The following VAMP7 variants were observed in gnomAD, a reference collection of about 807,000 sequenced individuals.
The protein encoded by VAMP7 is vesicle associated membrane protein 7, also known as vesicle-associated membrane protein 7.
A neutral mutation model predicts 29.6 loss-of-function variants in VAMP7; 14 were observed. The observed-to-expected ratio is 0.47, with a 90% CI of 0.31 to 0.74. The LOEUF (loss-of-function observed/expected upper bound fraction) is 0.74, where lower values mean the gene tolerates loss of function less well. Among genes scored for constraint, VAMP7 ranks in the 30% least tolerant of loss-of-function variants. The pLI, the probability that VAMP7 is intolerant of heterozygous loss-of-function variation, is 0.05. For synonymous variants in VAMP7, 95 were observed against 88.1 expected, an observed-to-expected ratio of 1.08 and a Z score of -0.44; for missense variants, 223 against 262.4, an observed-to-expected ratio of 0.85 and a Z score of 1.04.
At chrX:155,885,909 T>A (rs1389763401) in intron 1 of VAMP7, among the ~76,000 whole-genome samples, 1 of 152,180 alleles carries the variant, frequency 6.6e-6, no homozygotes, top group Non-Finnish European at 1.5e-5. Flanking sequence ...TTCTGTTGTT[T>A]TAAGCAACCA....
chrX:155,942,525 C>T lies in VAMP7; in HGVS notation c.*574C>T, dbSNP rs1436737060. The T allele has an allele frequency of 4.5e-6, 1 of 223,226 alleles. No individual in the cohort carries two copies. Among genetic ancestry groups the T allele is most frequent in the Non-Finnish European group, 8.9e-6 (1 of 112,300 alleles). The allele number at this position is 223,226 out of a possible 1,614,324, so 13.8% of individuals were successfully genotyped here. On this transcript the variant is annotated 3_prime_UTR_variant, in exon 8 of 8. Coordinates refer to ENST00000286448, the MANE Select transcript of VAMP7 (RefSeq NM_005638.6). The stretch of plus-strand genomic sequence containing the variant: ...AGTTAGATGGGGAACATTTTGCTAG[C>T]CCATTAGAAGCACACAGAATTATCC...
chrX:155,883,404 C>G (rs2124208205), intron 1 of VAMP7, among the ~76,000 whole-genome samples: 1 of 152,252 alleles, frequency 6.6e-6, no homozygotes, highest in Non-Finnish European at 1.5e-5. Context: ...TTGTGTACCT[C>G]CCTCCATTAA....
intron 5 of VAMP7, among the ~76,000 whole-genome samples, chrX:155,911,292 C>T (rs2066233859): frequency 6.6e-6 from 1 of 152,098 alleles, no homozygotes; most frequent in African/African-American, 2.4e-5. Flanking sequence ...CTTTTCTATT[C>T]TATTCCATCG....
intron 6 of VAMP7, among the ~76,000 whole-genome samples, chrX:155,930,563 T>C (rs191733820): frequency 3.3e-5 from 5 of 151,580 alleles, no homozygotes; most frequent in African/African-American, 1.2e-4. Context: ...AGATGGAGAA[T>C]TGCTTGAACC....
At chrX:155,896,694 C>A (rs2065992321) in intron 3 of VAMP7, among the ~76,000 whole-genome samples, 1 of 152,036 alleles carries the variant, frequency 6.6e-6, no homozygotes, top group South Asian at 2.1e-4. Context: ...TGCATGCCCT[C>A]CCCTCCCCCT....
At chrX:155,931,468 T>G (rs1294952660) in intron 6 of VAMP7, among the ~76,000 whole-genome samples, 1 of 152,212 alleles carries the variant, frequency 6.6e-6, no homozygotes, top group African/African-American at 2.4e-5. Context: ...CCAGTGATGA[T>G]GAGCATTTTT....
intron 5 of VAMP7, among the ~76,000 whole-genome samples, chrX:155,909,490 A>T (rs1040715345): frequency 6.6e-5 from 10 of 151,924 alleles, no homozygotes; most frequent in African/African-American, 2.2e-4. Context: ...GTTCACCCTA[A>T]TATTTATTTC....
At chrX:155,918,142 G>A (rs949613040) in intron 5 of VAMP7, among the ~76,000 whole-genome samples, 3 of 152,096 alleles carry the variant, frequency 2.0e-5, no homozygotes, top group African/African-American at 7.2e-5. Context: ...CTCAGTAATG[G>A]CAGACGCCCC....
rs757967477 is a variant in VAMP7 at position 155,932,006 on chromosome X, T to C, written c.502-7695T>C. Among the ~76,000 whole-genome samples, 203 of 152,238 alleles carry C rather than the reference T, an allele frequency of 1.3e-3. 7 individuals are homozygous for C. In the South Asian group the frequency reaches 0.042, roughly 32 times the overall value. On this transcript the variant is annotated intron_variant, in intron 6 of 7. Coordinates refer to ENST00000286448, the MANE Select transcript of VAMP7 (RefSeq NM_005638.6). Reference sequence around the variant, plus strand: ...TTCTTTTTGTCAGGTTTGTCAAAGATGACATGGTTGTAGATGTGTGGTATT... The same window carrying C: ...TTCTTTTTGTCAGGTTTGTCAAAGACGACATGGTTGTAGATGTGTGGTATT...
chrX:155,941,653 C>T (rs1242832392), intron 7 of VAMP7, among the ~76,000 whole-genome samples: 2 of 152,038 alleles, frequency 1.3e-5, no homozygotes, highest in Admixed American at 6.6e-5. Context: ...TGCTTTCTCT[C>T]CCACTGAAGG....
At chrX:155,932,487 A>C (rs1213594296) in intron 6 of VAMP7, among the ~76,000 whole-genome samples, 5 of 152,082 alleles carry the variant, frequency 3.3e-5, no homozygotes, top group African/African-American at 9.7e-5. Flanking sequence ...ATGGGAGTTC[A>C]CTCATGATTT....
intron 1 of VAMP7, among the ~76,000 whole-genome samples, chrX:155,887,803 C>G (rs1488167888): frequency 6.6e-6 from 1 of 151,850 alleles, no homozygotes; most frequent in Non-Finnish European, 1.5e-5. Context: ...TGGTGGCACA[C>G]ACCTGTAGTC....
intron 1 of VAMP7, among the ~76,000 whole-genome samples, chrX:155,885,158 A>G (rs2065850541): frequency 6.6e-6 from 1 of 152,178 alleles, no homozygotes; most frequent in East Asian, 1.9e-4. Context: ...CCCTTATAGC[A>G]TATCTTTTTT....
intron 7 of VAMP7, among the ~76,000 whole-genome samples, chrX:155,940,547 C>A (rs896962685): frequency 1.1e-4 from 17 of 152,130 alleles, no homozygotes; most frequent in Non-Finnish European, 2.1e-4. Flanking sequence ...TAGCTTCTTA[C>A]TTATTATTTG....
At chrX:155,883,772 G>A (rs913679141) in intron 1 of VAMP7, among the ~76,000 whole-genome samples, 1 of 148,694 alleles carries the variant, frequency 6.7e-6, no homozygotes, top group South Asian at 2.2e-4. Flanking sequence ...GTGCAGCGGC[G>A]CGATCTCGGC....
intron 6 of VAMP7, among the ~76,000 whole-genome samples, chrX:155,927,929 G>GT (rs1321409964): frequency 6.6e-6 from 1 of 151,374 alleles, no homozygotes; most frequent in Non-Finnish European, 1.5e-5. Flanking sequence ...TGTTTGTTTT[G>GT]TTTTTTTAAG....
intron 2 of VAMP7, among the ~76,000 whole-genome samples, chrX:155,890,670 G>A (rs1486419260): frequency 5.3e-5 from 8 of 152,086 alleles, no homozygotes; most frequent in African/African-American, 1.9e-4. Flanking sequence ...CCTTCAGTCA[G>A]TTTTTGCTTT....
chrX:155,900,689 T>G, intron 5 of VAMP7, 102 bp downstream of exon 5: 4 of 948,094 alleles, frequency 4.2e-6, no homozygotes, highest in Non-Finnish European at 6.4e-6. Context: ...ACTTCCTTAT[T>G]CTTACCATTG....
chrX:155,897,375 T>G (rs1374686936), intron 3 of VAMP7, among the ~76,000 whole-genome samples: 1 of 152,112 alleles, frequency 6.6e-6, no homozygotes, highest in Admixed American at 6.6e-5. Context: ...CACAATGATT[T>G]TTATCTCTGG....
Sources: gnomAD v4.1 joint callset for allele counts (sites outside exome capture counted in the v4.1 genomes callset) on GRCh38, gnomAD v4.1.1 for gene constraint, MANE v1.5 for transcripts, NCBI Gene and HGNC (gene_info 2026-07-23, HGNC 2026-07-21) for gene names.